The following CAMK2D variants were observed in gnomAD, a reference collection of about 807,000 sequenced individuals.
CAMK2D encodes calcium/calmodulin dependent protein kinase II delta, also known as calcium/calmodulin-dependent protein kinase type II subunit delta.
In CAMK2D, 37 loss-of-function variants were observed where a neutral mutation model predicts 84.0. The observed-to-expected ratio is 0.44, with a 90% CI of 0.34 to 0.58. The LOEUF is 0.58. Among genes scored for constraint, CAMK2D ranks in the 20% least tolerant of loss-of-function variants. The pLI, the probability that CAMK2D is intolerant of heterozygous loss-of-function variation, is 0.02. For synonymous variants in CAMK2D, 202 were observed against 212.5 expected (o/e 0.95, Z 0.43); for missense variants, 448 against 652.5 (o/e 0.69, Z 3.41).
At chr4:113,524,343 A>G (rs989828593) in intron 8 of CAMK2D, among the ~76,000 whole-genome samples, 1 of 152,134 alleles carries the variant, frequency 6.6e-6, no homozygotes, top group African/African-American at 2.4e-5. Context: ...TTCTGTTTCT[A>G]TGAAAGTGAC....
At chr4:113,569,295 A>C (rs2098740939) in intron 4 of CAMK2D, among the ~76,000 whole-genome samples, 1 of 152,176 alleles carries the variant, frequency 6.6e-6, no homozygotes, top group Non-Finnish European at 1.5e-5. Flanking sequence ...GTCATATCCA[A>C]AAAAATTGTT....
At chr4:113,562,519 T>A (rs1172878154) in intron 4 of CAMK2D, among the ~76,000 whole-genome samples, 11 of 152,218 alleles carry the variant, frequency 7.2e-5, no homozygotes, top group Admixed American at 7.2e-4. Context: ...TGTCAAATCA[T>A]CTAAATTATA....
At chr4:113,637,395 T>A (rs2099114166) in intron 3 of CAMK2D, among the ~76,000 whole-genome samples, 1 of 152,168 alleles carries the variant, frequency 6.6e-6, no homozygotes, top group South Asian at 2.1e-4. Context: ...TTTCATTTTG[T>A]TTTTCAAAAT....
chr4:113,516,711 C>CT (rs940671689), intron 9 of CAMK2D, among the ~76,000 whole-genome samples: 4 of 152,164 alleles, frequency 2.6e-5, no homozygotes, highest in Admixed American at 2.0e-4. Flanking sequence ...TCTCCTCTCA[C>CT]TTTCACATTG....
intron 2 of CAMK2D, among the ~76,000 whole-genome samples, chr4:113,680,935 T>A (rs1350536894): frequency 6.6e-6 from 1 of 152,204 alleles, no homozygotes; most frequent in East Asian, 1.9e-4. Context: ...GTGAGAAAGG[T>A]GGGTCTCAAA....
chr4:113,601,333 A>G (rs2098951110), intron 4 of CAMK2D, among the ~76,000 whole-genome samples: 1 of 152,224 alleles, frequency 6.6e-6, no homozygotes, highest in Non-Finnish European at 1.5e-5. Context: ...TGTCATGAGC[A>G]TTTAAAGTGT....
At chr4:113,709,854 G>A (rs188569275) in intron 2 of CAMK2D, among the ~76,000 whole-genome samples, 104 of 143,610 alleles carry the variant, frequency 7.2e-4, no homozygotes, top group Non-Finnish European at 7.5e-4. Flanking sequence ...TCCCTTTTAT[G>A]AGCAAAAGCA....
intron 2 of CAMK2D, among the ~76,000 whole-genome samples, chr4:113,751,106 G>A (rs1430419312): frequency 6.6e-6 from 1 of 152,030 alleles, no homozygotes; most frequent in African/African-American, 2.4e-5. Flanking sequence ...TGTTGAGATG[G>A]GATAAGAAAA....
chr4:113,455,877 A>T (rs2097297953), intron 19 of CAMK2D, 56 bp from the exon 20 acceptor site: 1 of 1,034,668 alleles, frequency 9.7e-7, no homozygotes, highest in African/African-American at 1.6e-5. Flanking sequence ...TTTCTTGAAT[A>T]GGCTTCATCC....
At chr4:113,577,024 T>A (rs543829413) in intron 4 of CAMK2D, among the ~76,000 whole-genome samples, 61 of 152,182 alleles carry the variant, frequency 4.0e-4, no homozygotes, top group Non-Finnish European at 4.1e-4. Context: ...AGGTTTTTCA[T>A]TAATAAATTA....
intron 16 of CAMK2D, among the ~76,000 whole-genome samples, chr4:113,492,511 T>C (rs1372643964): frequency 6.6e-6 from 1 of 152,220 alleles, no homozygotes; most frequent in Non-Finnish European, 1.5e-5. Context: ...GAGAGATAGT[T>C]TGTTATAATT....
At chr4:113,561,539 T>C (rs2098698857) in intron 4 of CAMK2D, among the ~76,000 whole-genome samples, 2 of 152,150 alleles carry the variant, frequency 1.3e-5, no homozygotes, top group Non-Finnish European at 2.9e-5. Flanking sequence ...TTCTTTTTGG[T>C]ATACTCTAGT....
rs2097273645 is a variant in CAMK2D, at chr4:113,453,723, G to T, written c.*822C>A. The stretch of plus-strand genomic sequence containing the variant: ...AGGAAAAGGGAAAAAAGTAAGAAAA[G>T]AATGGAACAAAAGAAAAATAAGAAA... On this transcript the variant is annotated 3_prime_UTR_variant, in exon 21 of 21. Coordinates refer to ENST00000511664, the MANE Select transcript of CAMK2D (RefSeq NM_001321571.2). 6.6e-6 allele frequency: 1 copy of T among 152,192 alleles called. No homozygotes were observed. Among genetic ancestry groups the T allele is most frequent in the Non-Finnish European group, 1.5e-5 (1 of 67,942 alleles). 9.4% of individuals were successfully genotyped at this position (152,192 alleles called of 1,614,324 possible).
chr4:113,632,977 T>C (rs2099096070), intron 3 of CAMK2D, among the ~76,000 whole-genome samples: 2 of 152,256 alleles, frequency 1.3e-5, no homozygotes, highest in Admixed American at 6.5e-5. Flanking sequence ...GTAATTTGTT[T>C]TCTTAACTAT....
At chr4:113,500,334 TAAATA>T (rs937983497) in intron 16 of CAMK2D, 124 bp downstream of exon 16, 9 of 496,754 alleles carry the variant, frequency 1.8e-5, no homozygotes, top group African/African-American at 1.6e-4. Context: ...TTTTTACTCA[TAAATA>T]AAATATTTTT....
Position 113,522,360 on chromosome 4 carries a change from A to C in CAMK2D, c.602-4703T>G, listed in dbSNP as rs149161283. On this transcript the variant is annotated intron_variant, in intron 8 of 20. Transcript: ENST00000511664. ...GGAACTTGGAAGTACACAATTAATT[A>C]CATGAGTGATAAGTATGGCTCTCTC... is the stretch of plus-strand genomic sequence containing the variant. Among the ~76,000 whole-genome samples the C allele has an allele frequency of 3.3e-5, 5 of 152,370 alleles. No homozygotes were observed. In the East Asian group the frequency reaches 9.6e-4, roughly 29 times the overall value.
chr4:113,499,325 T>C (rs2097995028), intron 16 of CAMK2D, among the ~76,000 whole-genome samples: 1 of 152,168 alleles, frequency 6.6e-6, no homozygotes, highest in Non-Finnish European at 1.5e-5. Flanking sequence ...TGACTACCTC[T>C]AGCAGAGTTA....
chr4:113,692,363 G>A (rs2214458), intron 2 of CAMK2D, among the ~76,000 whole-genome samples: 11 of 151,856 alleles, frequency 7.2e-5, no homozygotes, highest in African/African-American at 2.7e-4. Flanking sequence ...ATATTAAATT[G>A]TGATTATTTA....
At chr4:113,748,621 C>T (rs1562210005) in intron 2 of CAMK2D, among the ~76,000 whole-genome samples, 1 of 151,904 alleles carries the variant, frequency 6.6e-6, no homozygotes, top group East Asian at 1.9e-4. Flanking sequence ...GTATAATTCA[C>T]TTATTAAGAA....
Sources: allele counts gnomAD v4.1 joint callset (sites outside exome capture counted in the v4.1 genomes callset), GRCh38; gene constraint gnomAD v4.1.1; transcripts MANE v1.5; gene names NCBI Gene and HGNC (gene_info 2026-07-23, HGNC 2026-07-21).